LRP6: variants seen among roughly 807,000 people sequenced by gnomAD.
LRP6 encodes low-density lipoprotein receptor-related protein 6.
LRP6 carries 43 observed loss-of-function variants against 184.1 expected under a neutral mutation model. The ratio of observed to expected loss-of-function variants is 0.23; its 90% confidence interval spans 0.18 to 0.30. The LOEUF (loss-of-function observed/expected upper bound fraction) is 0.30. Ranked by LOEUF, LRP6 falls within the 10% of genes least tolerant of loss-of-function variation. The pLI is 1.00. For missense variants in LRP6, 1,571 were observed against 2,005.3 expected, an observed-to-expected ratio of 0.78 and a Z score of 4.14; for synonymous variants, 719 against 684.9, an observed-to-expected ratio of 1.05 and a Z score of -0.78.
Position 12,159,747 on chromosome 12 carries a change from T to C in LRP6, c.2464+33A>G, listed in dbSNP as rs371856108. The stretch of plus-strand genomic sequence containing the variant: ...GCCACTGATATTTGCATGGAAAGAA[T>C]ATACTGTTTGAGTAAAAAGTAGTAA... On this transcript the variant is annotated intron_variant, in intron 11 of 22. Coordinates refer to ENST00000261349, the MANE Select transcript of LRP6 (RefSeq NM_002336.3). The C allele has an allele frequency of 5.0e-6, 8 of 1,595,876 alleles. No homozygotes were observed. The African/African-American group carries it at 8.0e-5, about 16-fold the overall frequency.
At chr12:12,208,270 G>A (rs886501994) in intron 2 of LRP6, among the ~76,000 whole-genome samples, 1 of 152,212 alleles carries the variant, frequency 6.6e-6, no homozygotes, top group African/African-American at 2.4e-5. Flanking sequence ...CTGGGGAGGA[G>A]TAAGGGATTG....
intron 15 of LRP6, chr12:12,139,057 T>C (rs2136887738): frequency 1.6e-6 from 2 of 1,239,452 alleles, no homozygotes; most frequent in Non-Finnish European, 2.1e-6. Context: ...TGTTGCACAG[T>C]GAGAAAGTTC....
At chr12:12,165,671 T>C (rs891595172) in intron 7 of LRP6, among the ~76,000 whole-genome samples, 1 of 152,248 alleles carries the variant, frequency 6.6e-6, no homozygotes, top group African/African-American at 2.4e-5. Flanking sequence ...TATTTTGTTT[T>C]ATAACATCTT....
chr12:12,236,406 A>C (rs1024520503), intron 2 of LRP6, among the ~76,000 whole-genome samples: 2 of 152,230 alleles, frequency 1.3e-5, no homozygotes, highest in African/African-American at 4.8e-5. Flanking sequence ...TACTAATTGT[A>C]TCAGAAAAAC....
At chr12:12,186,136 C>T (rs1311681483) in intron 4 of LRP6, among the ~76,000 whole-genome samples, 3 of 152,014 alleles carry the variant, frequency 2.0e-5, no homozygotes, top group Non-Finnish European at 2.9e-5. Context: ...CATGAGCCAC[C>T]GCGCCTGGCC....
chr12:12,260,127 C>T (rs1865574569), intron 1 of LRP6, among the ~76,000 whole-genome samples: 1 of 151,982 alleles, frequency 6.6e-6, no homozygotes, highest in Non-Finnish European at 1.5e-5. Context: ...GCCTGTAATC[C>T]CAGCACTTTG....
chr12:12,261,617 T>C (rs747499644), intron 1 of LRP6, among the ~76,000 whole-genome samples: 2 of 152,130 alleles, frequency 1.3e-5, no homozygotes, highest in African/African-American at 4.8e-5. Context: ...TGGAAAATAA[T>C]AGGTTAAACA....
intron 10 of LRP6, among the ~76,000 whole-genome samples, chr12:12,160,675 T>C (rs1232409639): frequency 1.3e-5 from 2 of 152,246 alleles, no homozygotes; most frequent in Non-Finnish European, 2.9e-5. Context: ...AATCTTACAG[T>C]AATCCTACAG....
intron 11 of LRP6, 29 bp from the exon 12 acceptor site, chr12:12,159,184 A>G (rs891092619): frequency 3.2e-6 from 5 of 1,543,256 alleles, no homozygotes; most frequent in Middle Eastern, 3.4e-4. Flanking sequence ...TAGACAGGGG[A>G]GAAGCAGAGT....
chr12:12,169,100 A>G (rs557768962), intron 7 of LRP6, among the ~76,000 whole-genome samples: 1 of 152,108 alleles, frequency 6.6e-6, no homozygotes, highest in Admixed American at 6.5e-5. Flanking sequence ...GTGGTGGCTA[A>G]CGCCTGTAAT....
At chr12:12,254,658 C>A (rs770888093) in intron 1 of LRP6, among the ~76,000 whole-genome samples, 21 of 152,192 alleles carry the variant, frequency 1.4e-4, no homozygotes, top group Non-Finnish European at 8.8e-5. Flanking sequence ...AAGGCTTTGA[C>A]TGGAATGCCA....
chr12:12,237,788 A>T (rs1443634669), intron 2 of LRP6, among the ~76,000 whole-genome samples: 2 of 152,264 alleles, frequency 1.3e-5, no homozygotes, highest in Non-Finnish European at 2.9e-5. Flanking sequence ...AAGAAAGACT[A>T]CCAAAACATC....
chr12:12,246,653 C>CA (rs1270281059), intron 1 of LRP6, among the ~76,000 whole-genome samples: 2 of 147,472 alleles, frequency 1.4e-5, no homozygotes, highest in South Asian at 4.3e-4. Flanking sequence ...GCCTGGGTGA[C>CA]AGAGGGAGAC....
chr12:12,177,252 A>T (rs1037476488), intron 7 of LRP6, among the ~76,000 whole-genome samples: 1 of 152,208 alleles, frequency 6.6e-6, no homozygotes, highest in Non-Finnish European at 1.5e-5. Flanking sequence ...CTCGGGCATG[A>T]CAAAAGCTAG....
At chr12:12,154,757 T>C (rs950204054) in intron 12 of LRP6, among the ~76,000 whole-genome samples, 2 of 152,204 alleles carry the variant, frequency 1.3e-5, no homozygotes, top group Admixed American at 1.3e-4. Context: ...GCCTTGTAGC[T>C]ATGATTTTGA....
At chr12:12,152,715 G>A (rs1442138625) in intron 12 of LRP6, among the ~76,000 whole-genome samples, 1 of 152,096 alleles carries the variant, frequency 6.6e-6, no homozygotes, top group Non-Finnish European at 1.5e-5. Flanking sequence ...CCTAAATACA[G>A]GAGAATTTTG....
chr12:12,202,059 TATC>T (rs1377642753), intron 3 of LRP6, among the ~76,000 whole-genome samples: 1 of 152,190 alleles, frequency 6.6e-6, no homozygotes, highest in Non-Finnish European at 1.5e-5. Context: ...AAACCAAAAT[TATC>T]ATTAAAACAC....
At chr12:12,215,289 C>A (rs537938020) in intron 2 of LRP6, among the ~76,000 whole-genome samples, 2 of 152,210 alleles carry the variant, frequency 1.3e-5, no homozygotes, top group African/African-American at 4.8e-5. Flanking sequence ...GGTTCTCCCA[C>A]TGATCCCTGA....
intron 2 of LRP6, among the ~76,000 whole-genome samples, chr12:12,229,755 T>C (rs1864733295): frequency 6.6e-6 from 1 of 152,224 alleles, no homozygotes. Context: ...CCTTGGCTTC[T>C]CAAAAGCTAG....
Sources: gnomAD v4.1 joint callset for allele counts (sites outside exome capture counted in the v4.1 genomes callset) on GRCh38, gnomAD v4.1.1 for gene constraint, MANE v1.5 for transcripts, NCBI Gene and HGNC (gene_info 2026-07-23, HGNC 2026-07-21) for gene names.